The following RNF13 variants were observed in gnomAD, a reference collection of about 807,000 sequenced individuals.
RNF13 encodes ring finger protein 13, also known as E3 ubiquitin-protein ligase RNF13.
In RNF13, 19 loss-of-function variants were observed where a neutral mutation model predicts 37.7. The ratio of observed to expected loss-of-function variants is 0.50; its 90% CI spans 0.35 to 0.74. The LOEUF (loss-of-function observed/expected upper bound fraction) is 0.74, where lower values mean the gene tolerates loss of function less well. Ranked by LOEUF, RNF13 falls within the 30% of genes least tolerant of loss-of-function variation. The probability of loss-of-function intolerance (pLI) is 0.01; values close to 1 mark genes in which losing one functional copy is unlikely to be tolerated. For missense variants in RNF13, 375 were observed against 453.0 expected (o/e 0.83, Z 1.56); for synonymous variants, 144 against 157.8 (o/e 0.91, Z 0.65).
chr3:149,824,562 A>C (rs1720292722), intron 1 of RNF13, among the ~76,000 whole-genome samples: 1 of 152,248 alleles, frequency 6.6e-6, no homozygotes, highest in Non-Finnish European at 1.5e-5. Flanking sequence ...ATAATGTAAA[A>C]CATTTTCATT....
chr3:149,820,271 C>G (rs1283846310), intron 1 of RNF13, among the ~76,000 whole-genome samples: 1 of 151,354 alleles, frequency 6.6e-6, no homozygotes, highest in Non-Finnish European at 1.5e-5. Context: ...GGTATGGTCT[C>G]AAACTCCTGG....
chr3:149,843,536 AACATGC>A, intron 1 of RNF13, among the ~76,000 whole-genome samples: 1 of 152,318 alleles, frequency 6.6e-6, no homozygotes, highest in East Asian at 1.9e-4. Context: ...AAACCCTCAA[AACATGC>A]TACATGTCAT....
chr3:149,928,524 CTA>C (rs1469930800), intron 8 of RNF13, among the ~76,000 whole-genome samples: 1 of 151,984 alleles, frequency 6.6e-6, no homozygotes, highest in African/African-American at 2.4e-5. Flanking sequence ...TTCCTTTGGT[CTA>C]TATGATTATC....
chr3:149,822,227 C>T (rs768718882), intron 1 of RNF13, among the ~76,000 whole-genome samples: 1 of 152,034 alleles, frequency 6.6e-6, no homozygotes, highest in Non-Finnish European at 1.5e-5. Context: ...CTGTAGATTG[C>T]TTTGGGTAGT....
chr3:149,877,141 TATC>T (rs1466718029), intron 4 of RNF13, among the ~76,000 whole-genome samples: 7 of 152,142 alleles, frequency 4.6e-5, no homozygotes, highest in African/African-American at 1.7e-4. Context: ...GAGAGAAAAA[TATC>T]ATGTTTTAGA....
chr3:149,925,181 AACCCATTTTGAACCC>A (rs1197287494), intron 8 of RNF13, among the ~76,000 whole-genome samples: 14 of 152,308 alleles, frequency 9.2e-5, no homozygotes, highest in Admixed American at 4.6e-4. Context: ...TGGCAGCCTG[AACCCATTTTGAACCC>A]ATCAGCATAA....
intron 1 of RNF13, among the ~76,000 whole-genome samples, chr3:149,836,692 A>G (rs1220896614): frequency 6.6e-6 from 1 of 152,158 alleles, no homozygotes; most frequent in Non-Finnish European, 1.5e-5. Context: ...GCCACAAATA[A>G]TTTAAAGCAG....
intron 7 of RNF13, among the ~76,000 whole-genome samples, chr3:149,918,974 CAT>C (rs1458210366): frequency 6.6e-6 from 1 of 152,070 alleles, no homozygotes; most frequent in African/African-American, 2.4e-5. Flanking sequence ...ATCCATTTAA[CAT>C]ATATTGTGAT....
intron 2 of RNF13, 74 bp from the exon 3 acceptor site, chr3:149,852,442 A>G (rs1723200302): frequency 1.7e-6 from 1 of 592,370 alleles, no homozygotes; most frequent in Non-Finnish European, 2.9e-6. Context: ...AATTATACAT[A>G]ATTAAATAAG....
chr3:149,927,057 A>G (rs1458784305), intron 8 of RNF13, among the ~76,000 whole-genome samples: 1 of 152,174 alleles, frequency 6.6e-6, no homozygotes, highest in Non-Finnish European at 1.5e-5. Context: ...GTATCTTCAT[A>G]TTGTTATGCA....
chr3:149,917,662 A>G (rs1474673849), intron 7 of RNF13, among the ~76,000 whole-genome samples: 1 of 152,098 alleles, frequency 6.6e-6, no homozygotes, highest in Admixed American at 6.6e-5. Context: ...ATTTTTTTCT[A>G]TTGATTTCTA....
At chr3:149,939,590 T>C in intron 8 of RNF13, 1 of 613,290 alleles carries the variant, frequency 1.6e-6, no homozygotes, top group Non-Finnish European at 3.1e-6. Flanking sequence ...TTAATCGGAC[T>C]GCCTTCATAA....
intron 4 of RNF13, among the ~76,000 whole-genome samples, chr3:149,892,667 T>C (rs1186158809): frequency 6.6e-6 from 1 of 152,174 alleles, no homozygotes; most frequent in Non-Finnish European, 1.5e-5. Context: ...AACCCTATTG[T>C]GAACTGTGCA....
chr3:149,923,209 C>T (rs1283969383), intron 8 of RNF13, among the ~76,000 whole-genome samples: 1 of 151,980 alleles, frequency 6.6e-6, no homozygotes, highest in Admixed American at 6.6e-5. Context: ...TATTATTATA[C>T]AGTGATTTAC....
At chr3:149,872,293 G>T (rs1356446629) in intron 4 of RNF13, 139 bp downstream of exon 4, 1 of 624,984 alleles carries the variant, frequency 1.6e-6, no homozygotes, top group Non-Finnish European at 2.6e-6. Flanking sequence ...TCATAGAATA[G>T]AAATAATGTT....
chr3:149,949,384 GTC>G (rs1326571889), intron 8 of RNF13, among the ~76,000 whole-genome samples: 1 of 149,760 alleles, frequency 6.7e-6, no homozygotes, highest in Admixed American at 6.6e-5. Context: ...TTTCTGCTAA[GTC>G]TGCTGAGAAT....
At chr3:149,956,567 C>G (rs114768039) in intron 8 of RNF13, among the ~76,000 whole-genome samples, 2 of 152,150 alleles carry the variant, frequency 1.3e-5, no homozygotes, top group Non-Finnish European at 2.9e-5. Flanking sequence ...AAAGAGGAGA[C>G]AATCTAAGTT....
chr3:149,922,223 C>T (rs1718206487), intron 8 of RNF13, among the ~76,000 whole-genome samples: 1 of 152,196 alleles, frequency 6.6e-6, no homozygotes, highest in Non-Finnish European at 1.5e-5. Context: ...CCATCCACCT[C>T]GGCCTCCCAG....
chr3:149,953,697 G>A (rs1170259850), intron 8 of RNF13, among the ~76,000 whole-genome samples: 1 of 152,172 alleles, frequency 6.6e-6, no homozygotes, highest in African/African-American at 2.4e-5. Flanking sequence ...GAGCCCAACA[G>A]ACCTGGGCTG....
Sources: gnomAD v4.1 joint callset for allele counts (sites outside exome capture counted in the v4.1 genomes callset) on GRCh38, gnomAD v4.1.1 for gene constraint, MANE v1.5 for transcripts, NCBI Gene and HGNC (gene_info 2026-07-23, HGNC 2026-07-21) for gene names.